Variants in TNFSF4 observed in about 807,000 individuals in gnomAD.
TNFSF4 encodes TNF superfamily member 4.
Under a neutral mutation model 7.3 loss-of-function variants are expected in TNFSF4, and 4 were observed. The ratio of observed to expected loss-of-function variants is 0.55; its 90% CI spans 0.27 to 1.25. TNFSF4 has a LOEUF of 1.25. Ranked by LOEUF, TNFSF4 falls within the 50% of genes most tolerant of loss-of-function variation. The probability of loss-of-function intolerance (pLI) is 0.12; values close to 1 mark genes in which losing one functional copy is unlikely to be tolerated. For synonymous variants in TNFSF4, 76 were observed against 83.7 expected (o/e 0.91, Z 0.50); for missense variants, 181 against 208.8 (o/e 0.87, Z 0.82).
chr1:173,214,311 C>G, the TNFSF4 span, among the ~76,000 whole-genome samples: 13 of 152,110 alleles, frequency 8.5e-5, no homozygotes, highest in African/African-American at 3.1e-4. Flanking sequence ...TTTGTTTACT[C>G]TGGAGCCTGT....
the TNFSF4 span, among the ~76,000 whole-genome samples, chr1:173,366,603 G>T: frequency 4.6e-5 from 7 of 152,200 alleles, no homozygotes; most frequent in African/African-American, 1.7e-4. Flanking sequence ...TAATTTCATT[G>T]TTCATTTTAA....
At chr1:173,332,156 A>G in the TNFSF4 span, among the ~76,000 whole-genome samples, 1 of 152,310 alleles carries the variant, frequency 6.6e-6, no homozygotes, top group East Asian at 1.9e-4. Context: ...TCTCCTAGGT[A>G]TGCCTGAATG....
chr1:173,363,782 T>A, the TNFSF4 span: 1 of 171,916 alleles, frequency 5.8e-6, no homozygotes, highest in East Asian at 1.8e-4. Context: ...TGGGTTCTCG[T>A]ACTCTCCTTC....
At chr1:173,426,159 C>G in the TNFSF4 span, among the ~76,000 whole-genome samples, 1 of 152,156 alleles carries the variant, frequency 6.6e-6, no homozygotes, top group African/African-American at 2.4e-5. Flanking sequence ...TTCCTTCCTG[C>G]GAGTCAGTCT....
chr1:173,446,182 G>GT, the TNFSF4 span, among the ~76,000 whole-genome samples: 1 of 151,234 alleles, frequency 6.6e-6, no homozygotes, highest in African/African-American at 2.4e-5. Context: ...GGCAACTATC[G>GT]TAACTATGCT....
the TNFSF4 span, among the ~76,000 whole-genome samples, chr1:173,244,751 A>G: frequency 6.6e-6 from 1 of 152,030 alleles, no homozygotes; most frequent in East Asian, 1.9e-4. Context: ...CGCGCAAATG[A>G]CCTTTGGATA....
At chr1:173,258,806 T>G in the TNFSF4 span, among the ~76,000 whole-genome samples, 45 of 152,012 alleles carry the variant, frequency 3.0e-4, no homozygotes, top group Non-Finnish European at 5.9e-4. Context: ...CTGCAGGAAT[T>G]TCAGCAACTC....
At chr1:173,289,401 T>A in the TNFSF4 span, among the ~76,000 whole-genome samples, 1 of 152,156 alleles carries the variant, frequency 6.6e-6, no homozygotes, top group Non-Finnish European at 1.5e-5. Flanking sequence ...TTAAAATGAA[T>A]AAACTGATCC....
At chr1:173,177,016 G>A in the TNFSF4 span, among the ~76,000 whole-genome samples, 3 of 151,886 alleles carry the variant, frequency 2.0e-5, no homozygotes, top group Non-Finnish European at 4.4e-5. Context: ...ACTACCTATC[G>A]AGTACTGTGC....
At chr1:173,370,663 G>C in the TNFSF4 span, among the ~76,000 whole-genome samples, 4 of 152,150 alleles carry the variant, frequency 2.6e-5, no homozygotes, top group African/African-American at 9.7e-5. Flanking sequence ...TCAGGAGAAA[G>C]CTCCAAAAGC....
the TNFSF4 span, among the ~76,000 whole-genome samples, chr1:173,380,370 C>T: frequency 2.1e-4 from 32 of 152,080 alleles, no homozygotes; most frequent in Admixed American, 1.6e-3. Context: ...AAGGACAATT[C>T]GGAAGGGCAA....
chr1:173,278,293 TAATGAATG>T, the TNFSF4 span, among the ~76,000 whole-genome samples: 1 of 152,140 alleles, frequency 6.6e-6, no homozygotes, highest in South Asian at 2.1e-4. Flanking sequence ...AATTATTTTT[TAATGAATG>T]AATGAATTTA....
At chr1:173,299,330 G>A in the TNFSF4 span, among the ~76,000 whole-genome samples, 2 of 151,822 alleles carry the variant, frequency 1.3e-5, no homozygotes, top group East Asian at 1.9e-4. Flanking sequence ...CACTCCCAGG[G>A]CCAACCTGCA....
chr1:173,292,722 A>G, the TNFSF4 span, among the ~76,000 whole-genome samples: 9 of 152,066 alleles, frequency 5.9e-5, no homozygotes, highest in African/African-American at 2.2e-4. Flanking sequence ...TTCACAGATA[A>G]TAGAATTCTA....
At chr1:173,402,584 AG>A in the TNFSF4 span, among the ~76,000 whole-genome samples, 1 of 152,216 alleles carries the variant, frequency 6.6e-6, no homozygotes, top group Non-Finnish European at 1.5e-5. Flanking sequence ...CAACTGGAAA[AG>A]GGGTACAAAT....
the TNFSF4 span, chr1:173,362,940 C>T: frequency 2.4e-6 from 1 of 418,326 alleles, no homozygotes; most frequent in Non-Finnish European, 4.7e-6. Flanking sequence ...AAAATAGTTC[C>T]TAGAACTTAG....
the TNFSF4 span, among the ~76,000 whole-genome samples, chr1:173,381,827 G>T: frequency 5.3e-5 from 8 of 152,158 alleles, no homozygotes; most frequent in African/African-American, 1.9e-4. Context: ...CTAAAGGATT[G>T]TAAACACACC....
the TNFSF4 span, among the ~76,000 whole-genome samples, chr1:173,390,737 C>CTT: frequency 0.62 from 81,372 of 131,138 alleles, 24,295 homozygotes; most frequent in South Asian, 0.66. Flanking sequence ...CATTCTGCTT[C>CTT]TTTTTTTTTT....
the TNFSF4 span, among the ~76,000 whole-genome samples, chr1:173,233,147 G>C: frequency 6.6e-5 from 10 of 152,120 alleles, no homozygotes; most frequent in Non-Finnish European, 1.5e-4. Context: ...ACCTGATGGA[G>C]GTGAAAACCA....
Sources: allele counts gnomAD v4.1 joint callset (sites outside exome capture counted in the v4.1 genomes callset), GRCh38; gene constraint gnomAD v4.1.1; transcripts MANE v1.5; gene names NCBI Gene and HGNC (gene_info 2026-07-23, HGNC 2026-07-21).